AUTS2: variants seen among roughly 807,000 people sequenced by gnomAD.
AUTS2 encodes activator of transcription and developmental regulator AUTS2.
In AUTS2, 17 loss-of-function variants were observed where a neutral mutation model predicts 112.4. The ratio of observed to expected loss-of-function variants is 0.15; its 90% CI spans 0.10 to 0.23. The LOEUF (loss-of-function observed/expected upper bound fraction) is 0.23, where lower values mean the gene tolerates loss of function less well. Ranked by LOEUF, AUTS2 falls within the 10% of genes least tolerant of loss-of-function variation. AUTS2 has a pLI of 1.00. For synonymous variants in AUTS2, 751 were observed against 702.7 expected (o/e 1.07, Z -1.09); for missense variants, 1,510 against 1,701.6 (o/e 0.89, Z 1.98).
At chr7:69,637,210 C>T (rs1409074130) in intron 1 of AUTS2, among the ~76,000 whole-genome samples, 2 of 152,182 alleles carry the variant, frequency 1.3e-5, no homozygotes, top group African/African-American at 2.4e-5. Flanking sequence ...ATTCATGCTA[C>T]TAAATCTTTG....
intron 2 of AUTS2, among the ~76,000 whole-genome samples, chr7:70,022,953 G>T (rs1237641104): frequency 5.3e-5 from 8 of 152,092 alleles, no homozygotes; most frequent in African/African-American, 1.9e-4. Flanking sequence ...CTGGGGTCAG[G>T]CAGTCTTCTT....
chr7:70,181,351 C>T (rs1295440753), intron 4 of AUTS2, among the ~76,000 whole-genome samples: 1 of 152,210 alleles, frequency 6.6e-6, no homozygotes, highest in East Asian at 1.9e-4. Flanking sequence ...ACTGCTAAAA[C>T]AAGTCGTATC....
chr7:70,039,746 G>A (rs1189998629), intron 2 of AUTS2, among the ~76,000 whole-genome samples: 7 of 152,080 alleles, frequency 4.6e-5, no homozygotes, highest in African/African-American at 1.2e-4. Flanking sequence ...GTTTAAAAAC[G>A]TTCAAATTAA....
intron 1 of AUTS2, among the ~76,000 whole-genome samples, chr7:69,663,715 G>C (rs561487426): frequency 6.6e-6 from 1 of 152,152 alleles, no homozygotes; most frequent in Non-Finnish European, 1.5e-5. Context: ...GAATCTAACA[G>C]CTTAGTATGC....
chr7:70,403,240 A>G (rs528859204), intron 4 of AUTS2, among the ~76,000 whole-genome samples: 32 of 152,334 alleles, frequency 2.1e-4, no homozygotes, highest in Non-Finnish European at 4.3e-4. Flanking sequence ...ACAGGATGTG[A>G]GTCTTTCCAA....
At chr7:69,781,404 A>G (rs150838162) in intron 1 of AUTS2, among the ~76,000 whole-genome samples, 1 of 152,374 alleles carries the variant, frequency 6.6e-6, no homozygotes, top group East Asian at 1.9e-4. Flanking sequence ...AGGAGCGCTC[A>G]GCAGCACTGG....
chr7:70,642,839 A>T (rs562405270), intron 5 of AUTS2, among the ~76,000 whole-genome samples: 3 of 151,814 alleles, frequency 2.0e-5, no homozygotes, highest in African/African-American at 7.3e-5. Flanking sequence ...TTGTCTCTTG[A>T]CCCCATTCAC....
intron 1 of AUTS2, among the ~76,000 whole-genome samples, chr7:69,611,900 G>A (rs1793055118): frequency 1.4e-5 from 2 of 137,978 alleles, no homozygotes; most frequent in South Asian, 2.3e-4. Context: ...ACTGCAGTCC[G>A]CAGTCCGGCC....
chr7:70,494,763 A>G (rs923603517), intron 5 of AUTS2, among the ~76,000 whole-genome samples: 26 of 152,212 alleles, frequency 1.7e-4, no homozygotes, highest in African/African-American at 6.3e-4. Flanking sequence ...AAATCAAACA[A>G]AGTTCAAAAA....
At chr7:70,125,372 A>T (rs943113227) in intron 3 of AUTS2, among the ~76,000 whole-genome samples, 10 of 151,922 alleles carry the variant, frequency 6.6e-5, no homozygotes, top group Admixed American at 4.6e-4. Flanking sequence ...CTGACTGAGT[A>T]CTTTGCCTAA....
Position 70,047,182 on chromosome 7 carries a change from T to A in AUTS2, c.523-70950T>A, listed in dbSNP as rs147121490. On this transcript the variant is annotated intron_variant, in intron 2 of 18. Transcript: ENST00000342771. The stretch of plus-strand genomic sequence containing the variant: ...AGTAGAGGATGGTATTTAAGAAATA[T>A]GTCTTCAAAACTCTTATACAGGCCA... Among the ~76,000 whole-genome samples the A allele has an allele frequency of 2.0e-3, 298 of 152,334 alleles. 2 individuals carry two copies. Among genetic ancestry groups the A allele is most frequent in the Middle Eastern group, 3.4e-3 (1 of 294 alleles).
chr7:70,156,601 T>C (rs1257671438), intron 4 of AUTS2, among the ~76,000 whole-genome samples: 1 of 152,060 alleles, frequency 6.6e-6, no homozygotes, highest in African/African-American at 2.4e-5. Context: ...CTGGTGGTTG[T>C]ATAGTTGAGA....
chr7:70,658,970 A>G (rs1290355063), intron 5 of AUTS2, among the ~76,000 whole-genome samples: 2 of 152,208 alleles, frequency 1.3e-5, no homozygotes, highest in Admixed American at 6.5e-5. Flanking sequence ...AAGCCCTAAC[A>G]TGCATGGCAT....
intron 6 of AUTS2, among the ~76,000 whole-genome samples, chr7:70,730,561 G>C (rs546882881): frequency 6.6e-6 from 1 of 152,246 alleles, no homozygotes; most frequent in South Asian, 2.1e-4. Flanking sequence ...TGTTTTCAAA[G>C]TTCATGTTGT....
chr7:70,717,487 G>A (rs75979138), intron 6 of AUTS2, among the ~76,000 whole-genome samples: 7,046 of 152,162 alleles, frequency 0.046, 314 homozygotes, highest in East Asian at 0.19. Context: ...CTCACCCTTC[G>A]AGGATGTGTG....
chr7:70,019,252 G>A (rs1353123765), intron 2 of AUTS2, among the ~76,000 whole-genome samples: 2 of 152,078 alleles, frequency 1.3e-5, no homozygotes, highest in Non-Finnish European at 2.9e-5. Context: ...ATACACACTG[G>A]GGCCTTTTGG....
intron 5 of AUTS2, among the ~76,000 whole-genome samples, chr7:70,605,832 T>C (rs1803730583): frequency 6.6e-6 from 1 of 152,144 alleles, no homozygotes; most frequent in Non-Finnish European, 1.5e-5. Flanking sequence ...ATTGGGGATT[T>C]TATTAGAAAG....
rs1177241365 is a variant in AUTS2, at chr7:70,570,025, A to G, written c.691-128544A>G. The stretch of plus-strand genomic sequence containing the variant: ...AGGAAAGATGAGGTCTTTCTCAGAA[A>G]CTCATTTAGGAACCTCGGATAGGAA... On this transcript the variant is annotated intron_variant, in intron 5 of 18. Transcript: ENST00000342771. Among the ~76,000 whole-genome samples the G allele has an allele frequency of 4.6e-5, 7 of 152,052 alleles. No individual in the cohort carries two copies. In the East Asian group the frequency reaches 1.3e-3, roughly 29 times the overall value.
intron 5 of AUTS2, among the ~76,000 whole-genome samples, chr7:70,541,880 G>A (rs2129505467): frequency 6.6e-6 from 1 of 152,336 alleles, no homozygotes; most frequent in East Asian, 1.9e-4. Context: ...TACATATGCA[G>A]TGTTTGAAAG....
Sources: gnomAD v4.1 joint callset for allele counts (sites outside exome capture counted in the v4.1 genomes callset) on GRCh38, gnomAD v4.1.1 for gene constraint, MANE v1.5 for transcripts, NCBI Gene and HGNC (gene_info 2026-07-23, HGNC 2026-07-21) for gene names.